PLXNA4: variants seen among roughly 807,000 people sequenced by gnomAD.
PLXNA4 encodes plexin-A4.
PLXNA4 carries 44 observed loss-of-function variants against 191.8 expected under a neutral mutation model. The ratio of observed to expected loss-of-function variants is 0.23; its 90% CI spans 0.18 to 0.29. PLXNA4 has a LOEUF of 0.29. PLXNA4 is among the 10% of genes least tolerant of loss of function. The pLI is 1.00. For missense variants in PLXNA4, 1,800 were observed against 2,488.8 expected, an observed-to-expected ratio of 0.72 and a Z score of 5.89; for synonymous variants, 1,082 against 1,009.5, an observed-to-expected ratio of 1.07 and a Z score of -1.36.
intron 14 of PLXNA4, among the ~76,000 whole-genome samples, chr7:132,189,210 G>A (rs775445860): frequency 2.6e-5 from 4 of 151,944 alleles, no homozygotes; most frequent in Admixed American, 1.3e-4. Flanking sequence ...AGTAATCCCT[G>A]CAGGTGTTGC....
chr7:132,158,204 G>T (rs1201939874), intron 25 of PLXNA4, among the ~76,000 whole-genome samples: 2 of 152,216 alleles, frequency 1.3e-5, no homozygotes, highest in Non-Finnish European at 2.9e-5. Context: ...ATTTAGAGGA[G>T]TTACTACAAC....
Position 132,576,280 on chromosome 7 carries a change from TGTGTGTGCCTGC to T in PLXNA4, c.-87+130_-87+141del, listed in dbSNP as rs1802231056. The stretch of plus-strand genomic sequence containing the variant: ...CGCCGTGTGTGCCGGTGTGGATCTG[TGTGTGTGCCTGC>T]GTGTGTGCGTGTGCGTGTGCCGCGG... On this transcript the variant is annotated intron_variant, in intron 1 of 31. Coordinates refer to ENST00000321063, the MANE Select transcript of PLXNA4 (RefSeq NM_020911.2). This position sits in a 1 kb window ranked among gnomAD's most constrained non-coding sequence, Gnocchi z 5.8. The T allele has an allele frequency of 3.7e-6, 2 of 543,832 alleles. No individual in the cohort carries two copies. Among genetic ancestry groups the T allele is most frequent in the Non-Finnish European group, 4.7e-6 (2 of 429,080 alleles). The allele number at this position is 543,832 out of a possible 1,614,324, so 33.7% of individuals were successfully genotyped here.
At chr7:132,155,465 C>A (rs955012232) in intron 25 of PLXNA4, among the ~76,000 whole-genome samples, 1 of 152,222 alleles carries the variant, frequency 6.6e-6, no homozygotes. Context: ...ATCTCCTAGG[C>A]ACCTTGGCAC....
chr7:132,252,475 C>A (rs1799290007), intron 4 of PLXNA4, among the ~76,000 whole-genome samples: 1 of 151,782 alleles, frequency 6.6e-6, no homozygotes, highest in East Asian at 1.9e-4. Flanking sequence ...CCACACCCAG[C>A]TAATTTTTGT....
chr7:132,316,691 C>T (rs936268387), intron 3 of PLXNA4, among the ~76,000 whole-genome samples: 2 of 152,188 alleles, frequency 1.3e-5, no homozygotes, highest in South Asian at 4.1e-4. Flanking sequence ...AATGACTCTC[C>T]AAATTCATGA....
At chr7:132,565,292 A>G (rs984365047) in intron 1 of PLXNA4, among the ~76,000 whole-genome samples, 8 of 152,196 alleles carry the variant, frequency 5.3e-5, no homozygotes, top group African/African-American at 1.9e-4. Context: ...GACATTCAGT[A>G]TACCTAGGAT....
intron 1 of PLXNA4, among the ~76,000 whole-genome samples, chr7:132,532,399 G>A (rs943896018): frequency 6.6e-6 from 1 of 152,192 alleles, no homozygotes; most frequent in Non-Finnish European, 1.5e-5. Flanking sequence ...AAAGTTTCCA[G>A]GTACAAATGC....
chr7:132,135,291 C>G (rs1795079419), intron 30 of PLXNA4, among the ~76,000 whole-genome samples: 1 of 152,198 alleles, frequency 6.6e-6, no homozygotes, highest in Non-Finnish European at 1.5e-5. Flanking sequence ...CAAGCTTCCA[C>G]CAGACAGGTA....
chr7:132,445,718 A>G (rs567254409), intron 3 of PLXNA4, among the ~76,000 whole-genome samples: 1 of 152,178 alleles, frequency 6.6e-6, no homozygotes, highest in Non-Finnish European at 1.5e-5. Flanking sequence ...AGTGAGAAAT[A>G]CAAAAAAGCA....
chr7:132,255,995 A>G (rs1799418546), intron 4 of PLXNA4, among the ~76,000 whole-genome samples: 1 of 152,240 alleles, frequency 6.6e-6, no homozygotes, highest in South Asian at 2.1e-4. Flanking sequence ...CTCTGTGAAC[A>G]AGCATAACCA....
At chr7:132,162,117 C>A (rs1002964493) in intron 24 of PLXNA4, among the ~76,000 whole-genome samples, 1 of 152,230 alleles carries the variant, frequency 6.6e-6, no homozygotes, top group Non-Finnish European at 1.5e-5. Context: ...GCACTCTGGG[C>A]TCCTCCAGCC....
chr7:132,371,080 C>T (rs1804418214), intron 3 of PLXNA4, among the ~76,000 whole-genome samples: 1 of 152,042 alleles, frequency 6.6e-6, no homozygotes, highest in Non-Finnish European at 1.5e-5. Context: ...GAAAGGCACG[C>T]TTCCAGGTTA....
chr7:132,173,745 T>A (rs2116692934), intron 21 of PLXNA4, among the ~76,000 whole-genome samples: 1 of 152,328 alleles, frequency 6.6e-6, no homozygotes, highest in East Asian at 1.9e-4. Flanking sequence ...TGTTTTTATT[T>A]TATGGACAAT....
At chr7:132,558,400 A>G (rs1800892668) in intron 1 of PLXNA4, among the ~76,000 whole-genome samples, 1 of 152,240 alleles carries the variant, frequency 6.6e-6, no homozygotes, top group South Asian at 2.1e-4. Flanking sequence ...AGCATCATCA[A>G]ATTAAAACAA....
chr7:132,529,607 CTTTT>C (rs35449894), intron 1 of PLXNA4, among the ~76,000 whole-genome samples: 1 of 136,150 alleles, frequency 7.3e-6, no homozygotes. Flanking sequence ...AATAGGTATT[CTTTT>C]TTTTTTTTTT....
chr7:132,249,396 G>A (rs868020874), intron 4 of PLXNA4, among the ~76,000 whole-genome samples: 17 of 152,210 alleles, frequency 1.1e-4, no homozygotes, highest in African/African-American at 4.1e-4. Flanking sequence ...CAGCCAAGGA[G>A]CGAGTGCCGA....
chr7:132,543,665 G>T (rs1800175283), intron 1 of PLXNA4, among the ~76,000 whole-genome samples: 1 of 152,184 alleles, frequency 6.6e-6, no homozygotes, highest in African/African-American at 2.4e-5. Context: ...CCAAACAATA[G>T]GCCAGTTCCA....
intron 1 of PLXNA4, among the ~76,000 whole-genome samples, chr7:132,549,153 T>C (rs554568364): frequency 1.4e-4 from 22 of 152,348 alleles, no homozygotes; most frequent in African/African-American, 5.1e-4. Flanking sequence ...CCTGCTGCTC[T>C]GCCTATGGAG....
intron 2 of PLXNA4, among the ~76,000 whole-genome samples, chr7:132,500,421 C>A (rs914946736): frequency 6.7e-6 from 1 of 149,542 alleles, no homozygotes; most frequent in African/African-American, 2.5e-5. Context: ...CCACCCTGGG[C>A]AACAAGAGTG....
Sources: allele counts gnomAD v4.1 joint callset (sites outside exome capture counted in the v4.1 genomes callset), GRCh38; gene constraint gnomAD v4.1.1; non-coding constraint Gnocchi (gnomAD v3.1); transcripts MANE v1.5; gene names NCBI Gene and HGNC (gene_info 2026-07-23, HGNC 2026-07-21).